Variants in NR2F6 observed in about 807,000 individuals in gnomAD.
NR2F6 encodes the protein ERBA-related gene-2.
Under a neutral mutation model 26.5 loss-of-function variants are expected in NR2F6, and 16 were observed. That is an observed-to-expected ratio of 0.60 (90% CI 0.41 to 0.92). NR2F6 has a LOEUF of 0.92. Ranked by LOEUF, NR2F6 falls within the 40% of genes least tolerant of loss-of-function variation. The pLI, the probability that NR2F6 is intolerant of heterozygous loss-of-function variation, is 0.00. For missense variants in NR2F6, 536 were observed against 631.7 expected (o/e 0.85, Z 1.62); for synonymous variants, 325 against 305.0 (o/e 1.07, Z -0.68).
At position 17,235,864 on chromosome 19, in the gene NR2F6, G is replaced by A. The variant is rs1343423481; in HGVS notation, c.575C>T (p.Ala192Val). The change falls in exon 3 of 4, where the codon GCG (alanine) becomes GTG (valine). Residue 192 changes from alanine to valine, a missense_variant. Ala to Val is a moderately conservative substitution (Grantham distance 64). Transcript: ENST00000291442. This position sits in a 1 kb window ranked among gnomAD's most constrained non-coding sequence, Gnocchi z 5.0. ...GTCGATGCCCAGCACCGCGCCCGCCGCGCCGCCCCCTGCGCCGAAGCGTCC... is the reference window on the plus strand; with the variant it reads ...GTCGATGCCCAGCACCGCGCCCGCCACGCCGCCCCCTGCGCCGAAGCGTCC... ...AAGRFGAGGG[A>V]AGAVLGIDNV... The A allele has an allele frequency of 2.0e-6, 3 of 1,467,088 alleles. No homozygotes were observed. The highest frequency in any genetic ancestry group is 2.9e-5 in the East Asian group (1 of 33,916). The allele number at this position is 1,467,088 out of a possible 1,614,324, so 90.9% of individuals were successfully genotyped here. A position where few individuals can be genotyped will look rare whatever the true frequency, so the allele number is the denominator to read the frequency against.
In NR2F6 at chr19:17,240,732, G is replaced by A. The variant is rs1568317869; in HGVS notation, c.312C>T (p.His104=). 1.2e-6 allele frequency: 2 copies of A among 1,614,210 alleles called. No homozygotes were observed. Among genetic ancestry groups the A allele is most frequent in the South Asian group, 2.2e-5 (2 of 91,090 alleles). Residue 104 remains histidine (H), a synonymous_variant, in exon 2 of 4, where the codon CAC becomes CAT. Coordinates refer to ENST00000291442, the MANE Select transcript of NR2F6 (RefSeq NM_005234.4). ...SNRDCQIDQH[H]RNQCQYCRLK... ...GACGGCAGTACTGGCACTGGTTCCG[G>A]TGGTGCTGGTCGATCTGGCAGTCAC...
chr19:17,232,051 C>A lies in NR2F6; in HGVS notation c.*301G>T, dbSNP rs538320799. 3.1e-5 allele frequency: 12 copies of A among 391,232 alleles called. No homozygotes were observed. Among genetic ancestry groups the A allele is most frequent in the African/African-American group, 2.5e-4 (12 of 47,904 alleles). 24.2% of individuals were successfully genotyped at this position (391,232 alleles called of 1,614,324 possible). The stretch of plus-strand genomic sequence containing the variant: ...GTCCATCATGCCAGGGAAGCCAACC[C>A]CACCATCCCACAAGTTCATGCTAGG... On this transcript the variant is annotated 3_prime_UTR_variant, in exon 4 of 4. Transcript: ENST00000291442.
chr19:17,238,466 C>G (rs1180454709), intron 2 of NR2F6, among the ~76,000 whole-genome samples: 1 of 152,212 alleles, frequency 6.6e-6, no homozygotes, highest in Non-Finnish European at 1.5e-5. Flanking sequence ...AAAAAGTGCA[C>G]TCCAGGCAGA....
Position 17,235,707 on chromosome 19 carries a change from C to A in NR2F6, c.732G>T (p.Val244=). 6.7e-7 allele frequency: 1 copy of A among 1,499,730 alleles called. No individual in the cohort carries two copies. Among genetic ancestry groups the A allele is most frequent in the Non-Finnish European group, 8.8e-7 (1 of 1,133,624 alleles). 92.9% of individuals were successfully genotyped at this position (1,499,730 alleles called of 1,614,324 possible). ...GCAGCGCCGCCTGCGCCGCGTTCAGCACGAAGAGCTCGCTCCAGCTCAGGC... is the reference window on the plus strand; with the variant it reads ...GCAGCGCCGCCTGCGCCGCGTTCAGAACGAAGAGCTCGCTCCAGCTCAGGC... ...LLRLSWSELF[V]LNAAQAALPL... The change falls in exon 3 of 4, where the codon GTG becomes GTT. Residue 244 remains valine (V), a synonymous_variant. Transcript: ENST00000291442. The surrounding 1 kb of genome is among the most constrained non-coding windows in gnomAD (Gnocchi z 5.0).
Position 17,240,714 on chromosome 19 carries a change from G to A in NR2F6, c.330C>T (p.Tyr110=), listed in dbSNP as rs61755052. The A allele has an allele frequency of 1.4e-3, 2,266 of 1,614,202 alleles. 28 individuals carry two copies. In the African/African-American group the frequency reaches 0.026, roughly 19 times the overall value. The change falls in exon 2 of 4, where the codon TAC becomes TAT. Residue 110 remains tyrosine, a synonymous_variant. Transcript: ENST00000291442. The stretch of plus-strand genomic sequence containing the variant: ...CCCGGAAGCACTTCTTGAGACGGCA[G>A]TACTGGCACTGGTTCCGGTGGTGCT... ...IDQHHRNQCQ[Y]CRLKKCFRVG... is the part of the protein sequence containing the mutation.
chr19:17,233,416 C>T (rs1481027196), intron 3 of NR2F6, among the ~76,000 whole-genome samples: 1 of 152,178 alleles, frequency 6.6e-6, no homozygotes, highest in African/African-American at 2.4e-5. Context: ...GTGAGGTGTT[C>T]TCATCTAACC....
intron 2 of NR2F6, among the ~76,000 whole-genome samples, chr19:17,236,917 G>A (rs897199284): frequency 6.6e-6 from 1 of 152,268 alleles, no homozygotes; most frequent in African/African-American, 2.4e-5. Context: ...GGTGAGAAAA[G>A]GGAAACTGAG....
At chr19:17,239,540 G>C (rs2145566929) in intron 2 of NR2F6, among the ~76,000 whole-genome samples, 1 of 152,108 alleles carries the variant, frequency 6.6e-6, no homozygotes, top group African/African-American at 2.4e-5. Context: ...TGTAGTCCCA[G>C]CTACTCCGGA....
intron 1 of NR2F6, among the ~76,000 whole-genome samples, chr19:17,241,463 G>T (rs930398061): frequency 1.3e-5 from 2 of 152,234 alleles, no homozygotes; most frequent in Non-Finnish European, 2.9e-5. Flanking sequence ...CTCTTGCAGG[G>T]ATGAGACAGG....
At chr19:17,236,112 G>C (rs2073436394) in intron 2 of NR2F6, 47 bp from the exon 3 acceptor site, 1 of 129,518 alleles carries the variant, frequency 7.7e-6, no homozygotes, top group Non-Finnish European at 1.1e-5. Flanking sequence ...GAGGGGAGGC[G>C]GGGGGGGGGG....
At position 17,232,481 on chromosome 19, in the gene NR2F6, C is replaced by G. The variant is rs749742648; in HGVS notation, c.1086G>C (p.Ala362=). The G allele has an allele frequency of 3.7e-6, 6 of 1,612,986 alleles. No individual in the cohort carries two copies. Among genetic ancestry groups the G allele is most frequent in the Non-Finnish European group, 5.1e-6 (6 of 1,179,734 alleles). ...RLLLRLPALR[A]VPASLISQLF... ...GCTGGGAGATGAGGGAGGCAGGGAC[C>G]GCGCGCAGGGCGGGGAGCCGCAGCA... is the stretch of plus-strand genomic sequence containing the variant. Residue 362 remains alanine (A), a synonymous_variant, in exon 4 of 4, where the codon GCG becomes GCC. Coordinates refer to ENST00000291442, the MANE Select transcript of NR2F6 (RefSeq NM_005234.4).
rs1034304861 is a variant in NR2F6, at chr19:17,235,539, G to T, written c.900C>A (p.Ala300=). 6 of 1,596,438 alleles carry T rather than the reference G, an allele frequency of 3.8e-6. No individual in the cohort carries two copies. The highest frequency in any genetic ancestry group is 5.1e-6 in the Non-Finnish European group (6 of 1,177,374). ...DKLGRLQVDS[A]EYGCLKAIAL... ...CGATGGCCTTGAGGCAGCCATACTC[G>T]GCCGAGTCGACCTGCAGGCGGCCCA... The change falls in exon 3 of 4, where the codon GCC becomes GCA. Residue 300 remains alanine (A), a synonymous_variant. Coordinates refer to ENST00000291442, the MANE Select transcript of NR2F6 (RefSeq NM_005234.4). The surrounding 1 kb of genome is among the most constrained non-coding windows in gnomAD (Gnocchi z 5.0).
chr19:17,238,279 G>A (rs2073450330), intron 2 of NR2F6, among the ~76,000 whole-genome samples: 1 of 152,170 alleles, frequency 6.6e-6, no homozygotes, highest in African/African-American at 2.4e-5. Flanking sequence ...CTAGGCGCTG[G>A]GGAACAAGAC....
At chr19:17,244,904 GC>G in intron 1 of NR2F6, 38 bp downstream of exon 1, 1 of 1,548,656 alleles carries the variant, frequency 6.5e-7, no homozygotes, top group Non-Finnish European at 8.7e-7. Flanking sequence ...CCAGGTCGGG[GC>G]GGGGTGCACG....
At chr19:17,244,659 A>C (rs2073486862) in intron 1 of NR2F6, among the ~76,000 whole-genome samples, 1 of 152,046 alleles carries the variant, frequency 6.6e-6, no homozygotes, top group South Asian at 2.1e-4. Flanking sequence ...CAGCGCGGAG[A>C]TGACCCCTCC....
chr19:17,232,180 C>T lies in NR2F6; in HGVS notation c.*172G>A, dbSNP rs2073410958. The T allele has an allele frequency of 1.0e-6, 1 of 970,204 alleles. No individual in the cohort carries two copies. The allele number at this position is 970,204 out of a possible 1,614,324, so 60.1% of individuals were successfully genotyped here. On this transcript the variant is annotated 3_prime_UTR_variant, in exon 4 of 4. Transcript: ENST00000291442. ...TGGATGATCAGTCTCTTTTTGGTTTCATGATCATTTAAAAAACAGAAAAGA... is the reference window on the plus strand; with the variant it reads ...TGGATGATCAGTCTCTTTTTGGTTTTATGATCATTTAAAAAACAGAAAAGA...
rs1461384772 is a variant in NR2F6, at chr19:17,235,710, G to A, written c.729C>T (p.Phe243=). 5 of 1,500,948 alleles carry A rather than the reference G, an allele frequency of 3.3e-6. No individual in the cohort carries two copies. Among genetic ancestry groups the A allele is most frequent in the Non-Finnish European group, 2.6e-6 (3 of 1,134,144 alleles). The allele number at this position is 1,500,948 out of a possible 1,614,324, so 93.0% of individuals were successfully genotyped here. The change falls in exon 3 of 4, where the codon TTC becomes TTT. Residue 243 remains phenylalanine, a synonymous_variant. Transcript: ENST00000291442. This position sits in a 1 kb window ranked among gnomAD's most constrained non-coding sequence, Gnocchi z 5.0. ...GCGCCGCCTGCGCCGCGTTCAGCAC[G>A]AAGAGCTCGCTCCAGCTCAGGCGCA... ...ALLRLSWSEL[F]VLNAAQAALP... is the part of the protein sequence containing the mutation.
rs1555712012 is a variant in NR2F6 at position 17,245,650 on chromosome 19, GA to G, written c.-431del. On this transcript the variant is annotated 5_prime_UTR_variant, in exon 1 of 4. Coordinates refer to ENST00000291442, the MANE Select transcript of NR2F6 (RefSeq NM_005234.4). This position sits in a 1 kb window ranked among gnomAD's most constrained non-coding sequence, Gnocchi z 5.0. The stretch of plus-strand genomic sequence containing the variant: ...CCATCCGAGCGCGGGAGGCCGGGGG[GA>G]AAGTTTGGCCGCAAGTTGCGCGGCC... 3 of 146,390 alleles carry G rather than the reference GA, an allele frequency of 2.0e-5. No individual in the cohort carries two copies. Among genetic ancestry groups the G allele is most frequent in the Non-Finnish European group, 4.6e-5 (3 of 65,836 alleles). The allele number at this position is 146,390 out of a possible 1,614,324, so 9.1% of individuals were successfully genotyped here. A position where few individuals can be genotyped will look rare whatever the true frequency, so the allele number is the denominator to read the frequency against.
rs370721126 is a variant in NR2F6 at position 17,242,541 on chromosome 19, T to G, written c.279-1776A>C. On this transcript the variant is annotated intron_variant, in intron 1 of 3. Transcript: ENST00000291442. Reference sequence around the variant, plus strand: ...GAACCCAACTTAGGAAAGCTGAGGATCTGCGCCCACTCCCCCGTACCCCCC... The same window carrying G: ...GAACCCAACTTAGGAAAGCTGAGGAGCTGCGCCCACTCCCCCGTACCCCCC... Among the ~76,000 whole-genome samples the G allele has an allele frequency of 2.4e-4, 37 of 152,194 alleles. 2 individuals are homozygous for G. The South Asian group carries it at 7.7e-3, about 32-fold the overall frequency.
Sources: gnomAD v4.1 joint callset for allele counts (sites outside exome capture counted in the v4.1 genomes callset) on GRCh38, gnomAD v4.1.1 for gene constraint, Gnocchi (gnomAD v3.1) non-coding constraint, MANE v1.5 for transcripts, NCBI Gene and HGNC (gene_info 2026-07-23, HGNC 2026-07-21) for gene names.